Variants in BACH2 observed in about 807,000 individuals in gnomAD.
BACH2 encodes the protein transcription regulator protein BACH2.
A neutral mutation model predicts 61.8 loss-of-function variants in BACH2; 5 were observed. That is an observed-to-expected ratio of 0.08 (90% confidence interval 0.04 to 0.17). The LOEUF (loss-of-function observed/expected upper bound fraction) is 0.17, where lower values mean the gene tolerates loss of function less well. Ranked by LOEUF, BACH2 falls within the 10% of genes least tolerant of loss-of-function variation. The probability of loss-of-function intolerance (pLI) is 1.00; values close to 1 mark genes in which losing one functional copy is unlikely to be tolerated. For missense variants in BACH2, 824 were observed against 1,091.1 expected, an observed-to-expected ratio of 0.76 and a Z score of 3.45; for synonymous variants, 446 against 440.1, an observed-to-expected ratio of 1.01 and a Z score of -0.17.
chr6:90,038,963 C>T (rs1779395118), intron 5 of BACH2, among the ~76,000 whole-genome samples: 1 of 151,830 alleles, frequency 6.6e-6, no homozygotes, highest in African/African-American at 2.4e-5. Context: ...TCACTTGAAC[C>T]CAGGAGGGAG....
At chr6:90,050,401 C>T (rs1383842668) in intron 5 of BACH2, among the ~76,000 whole-genome samples, 2 of 152,110 alleles carry the variant, frequency 1.3e-5, no homozygotes, top group African/African-American at 4.8e-5. Context: ...AGAACACCCA[C>T]AATATTTGAA....
chr6:89,946,204 A>G (rs952197426), intron 7 of BACH2, among the ~76,000 whole-genome samples: 12 of 152,218 alleles, frequency 7.9e-5, no homozygotes, highest in African/African-American at 2.9e-4. Context: ...AAAGAGGTAA[A>G]CCAGCAATTC....
chr6:90,213,445 G>A (rs879298500), intron 3 of BACH2, among the ~76,000 whole-genome samples: 4 of 152,188 alleles, frequency 2.6e-5, no homozygotes, highest in Non-Finnish European at 5.9e-5. Flanking sequence ...ACCTCCGGGA[G>A]AGAAAACTCT....
intron 4 of BACH2, among the ~76,000 whole-genome samples, chr6:90,108,561 T>G (rs1393332718): frequency 6.6e-6 from 1 of 152,174 alleles, no homozygotes; most frequent in Non-Finnish European, 1.5e-5. Flanking sequence ...TCTTCCCTTC[T>G]TCCTTCCCAG....
intron 1 of BACH2, among the ~76,000 whole-genome samples, chr6:90,287,133 G>A (rs1482819928): frequency 6.6e-6 from 1 of 152,070 alleles, no homozygotes; most frequent in Non-Finnish European, 1.5e-5. Context: ...AGGGTATGGT[G>A]GGGGAGAGGT....
At chr6:90,034,369 T>C (rs1458313524) in intron 5 of BACH2, among the ~76,000 whole-genome samples, 5 of 152,178 alleles carry the variant, frequency 3.3e-5, no homozygotes, top group African/African-American at 1.2e-4. Flanking sequence ...TTGTACAGAC[T>C]GGACTAGACT....
intron 4 of BACH2, among the ~76,000 whole-genome samples, chr6:90,140,382 A>G (rs978727298): frequency 1.3e-5 from 2 of 152,138 alleles, no homozygotes; most frequent in Non-Finnish European, 2.9e-5. Context: ...GAGGCTGTAT[A>G]ATGGGAAGAT....
At chr6:89,984,194 C>A (rs1289594428) in intron 6 of BACH2, among the ~76,000 whole-genome samples, 1 of 152,126 alleles carries the variant, frequency 6.6e-6, no homozygotes, top group African/African-American at 2.4e-5. Flanking sequence ...CACTGCCCTC[C>A]ACATCCATTC....
chr6:90,280,266 T>C (rs989448936), intron 1 of BACH2, among the ~76,000 whole-genome samples: 1 of 152,146 alleles, frequency 6.6e-6, no homozygotes. Context: ...TTTGAAGACA[T>C]TAATGGAGAA....
At position 90,296,532 on chromosome 6, in the gene BACH2, G is replaced by C. The variant is rs1772400006; in HGVS notation, c.-498C>G. On this transcript the variant is annotated 5_prime_UTR_variant, in exon 1 of 9. Transcript: ENST00000257749. ...CGCCTCCTCTTCCCCGCGTCTTCCC[G>C]GCTCGCAGCCCCCTCCCGGCAGCCG... is the stretch of plus-strand genomic sequence containing the variant. 1 of 151,840 alleles carries C rather than the reference G, an allele frequency of 6.6e-6. No individual in the cohort carries two copies. Among genetic ancestry groups the C allele is most frequent in the South Asian group, 2.1e-4 (1 of 4,828 alleles). 9.4% of individuals were successfully genotyped at this position (151,840 alleles called of 1,614,324 possible). A position where few individuals can be genotyped will look rare whatever the true frequency, so the allele number is the denominator to read the frequency against.
chr6:90,005,661 G>T (rs558053941), intron 6 of BACH2, among the ~76,000 whole-genome samples: 5 of 152,162 alleles, frequency 3.3e-5, no homozygotes, highest in Admixed American at 2.6e-4. Context: ...GAGGGGGAGG[G>T]CTCTTCAAAG....
At chr6:90,286,388 G>GT (rs1273992875) in intron 1 of BACH2, among the ~76,000 whole-genome samples, 2 of 152,098 alleles carry the variant, frequency 1.3e-5, no homozygotes, top group Non-Finnish European at 2.9e-5. Context: ...ATGTTCTCTC[G>GT]TTTTATACGG....
intron 2 of BACH2, among the ~76,000 whole-genome samples, chr6:90,263,441 CGAA>C (rs1175836438): frequency 2.0e-5 from 3 of 152,080 alleles, no homozygotes; most frequent in African/African-American, 7.2e-5. Context: ...TAAATCCTAC[CGAA>C]GAAGGAGGCT....
chr6:90,183,551 A>C (rs1768240198), intron 4 of BACH2, among the ~76,000 whole-genome samples: 1 of 152,224 alleles, frequency 6.6e-6, no homozygotes, highest in Non-Finnish European at 1.5e-5. Context: ...AATTAAGACA[A>C]TGGTCATTTA....
At chr6:89,991,229 C>T (rs964407248) in intron 6 of BACH2, among the ~76,000 whole-genome samples, 4 of 152,160 alleles carry the variant, frequency 2.6e-5, no homozygotes, top group African/African-American at 7.2e-5. Flanking sequence ...GAATGGAGAA[C>T]CTTCATGACA....
intron 3 of BACH2, among the ~76,000 whole-genome samples, chr6:90,215,794 C>T (rs1769514255): frequency 6.6e-6 from 1 of 152,124 alleles, no homozygotes; most frequent in East Asian, 1.9e-4. Context: ...TTACAGAGTG[C>T]CATTGGGGGT....
chr6:89,979,033 C>T (rs1775809137), intron 6 of BACH2, among the ~76,000 whole-genome samples: 1 of 152,156 alleles, frequency 6.6e-6, no homozygotes, highest in Non-Finnish European at 1.5e-5. Flanking sequence ...TCTGCCTTTC[C>T]CTAAGGAAAG....
chr6:90,184,932 T>C lies in BACH2; in HGVS notation c.-162+21637A>G, dbSNP rs141448962. Among the ~76,000 whole-genome samples, 601 of 152,342 alleles carry C rather than the reference T, an allele frequency of 3.9e-3. 4 individuals carry two copies. Among genetic ancestry groups the C allele is most frequent in the African/African-American group, 0.013 (546 of 41,574 alleles). Reference sequence around the variant, plus strand: ...ATGAATAGAAACTCTCAGAGGATAGTATGTTAGCTCCATGGCCTGTGGCAC... The same window carrying C: ...ATGAATAGAAACTCTCAGAGGATAGCATGTTAGCTCCATGGCCTGTGGCAC... On this transcript the variant is annotated intron_variant, in intron 4 of 8. Transcript: ENST00000257749.
At chr6:90,205,056 G>A (rs1372672748) in intron 4 of BACH2, among the ~76,000 whole-genome samples, 1 of 151,982 alleles carries the variant, frequency 6.6e-6, no homozygotes, top group African/African-American at 2.4e-5. Context: ...AGTGCACAGA[G>A]GGCTTTTCCA....
Sources: allele counts gnomAD v4.1 joint callset (sites outside exome capture counted in the v4.1 genomes callset), GRCh38; gene constraint gnomAD v4.1.1; transcripts MANE v1.5; gene names NCBI Gene and HGNC (gene_info 2026-07-23, HGNC 2026-07-21).